The following CASP10 variants were observed in gnomAD, a reference collection of about 807,000 sequenced individuals.
The protein encoded by CASP10 is caspase-10.
CASP10 carries 41 observed loss-of-function variants against 48.5 expected under a neutral mutation model. That is an observed-to-expected ratio of 0.85 (90% CI 0.66 to 1.10). CASP10 has a LOEUF of 1.10. Among genes scored for constraint, CASP10 ranks in the 50% least tolerant of loss-of-function variants. The pLI is 0.00. For synonymous variants in CASP10, 232 were observed against 238.4 expected, an observed-to-expected ratio of 0.97 and a Z score of 0.25; for missense variants, 614 against 614.5, an observed-to-expected ratio of 1.00 and a Z score of 0.01.
intron 1 of CASP10, among the ~76,000 whole-genome samples, chr2:201,185,012 A>G (rs1347367258): frequency 6.6e-6 from 1 of 151,768 alleles, no homozygotes; most frequent in African/African-American, 2.4e-5. Context: ...TTCTTTTTGA[A>G]ACAGGGTCTC....
chr2:201,191,648 C>G (rs1944615236), intron 3 of CASP10, among the ~76,000 whole-genome samples: 1 of 152,202 alleles, frequency 6.6e-6, no homozygotes, highest in African/African-American at 2.4e-5. Flanking sequence ...GGCCTGAACA[C>G]CCCTCAGCCA....
In CASP10 at chr2:201,197,304, C is replaced by T. The variant is rs149913001; in HGVS notation, c.684+1356C>T. 7.6e-4 allele frequency among the ~76,000 whole-genome samples: 115 copies of T among 152,108 alleles called. 1 individual carries two copies. The East Asian group carries it at 0.016, about 21-fold the overall frequency. The stretch of plus-strand genomic sequence containing the variant: ...ATACCATATAATGAAACCAATTTTA[C>T]CATAGGCTCATTGATATAAACAAGA... On this transcript the variant is annotated intron_variant, in intron 5 of 9. Transcript: ENST00000286186.
Position 201,209,188 on chromosome 2 carries a change from CG to C in CASP10, c.1045del (p.Asp349ThrfsTer8). On this transcript the variant is annotated frameshift_variant, in exon 9 of 10. Coordinates refer to ENST00000286186, the MANE Select transcript of CASP10 (RefSeq NM_032977.4). LOFTEE classifies it high-confidence loss of function. ...AGAAGTGCAATCCAGCCCATGCCGA[CG>C]GGGACTGCTTCGTGTTCTGTATTCT... ...KQKCNPAHADGDCFVFCILTH... is the reference protein window; with the variant it reads ...KQKCNPAHADXDCFVFCILTH... 6.2e-7 allele frequency: 1 copy of C among 1,612,732 alleles called. No individual in the cohort carries two copies.
chr2:201,189,199 T>C (rs1350751875), intron 3 of CASP10, among the ~76,000 whole-genome samples: 1 of 152,048 alleles, frequency 6.6e-6, no homozygotes, highest in Non-Finnish European at 1.5e-5. Context: ...CATTTCGTTT[T>C]CCCTTCATCC....
chr2:201,229,126 G>T, exon 10 of CASP10: 4 of 1,612,582 alleles, frequency 2.5e-6, no homozygotes, highest in Non-Finnish European at 3.4e-6. Context: ...CAGCCACATC[G>T]CCTGAGATTG....
Position 201,208,309 on chromosome 2 carries a change from G to A in CASP10, c.922+126G>A. The A allele has an allele frequency of 4.2e-6, 6 of 1,431,924 alleles. No individual in the cohort carries two copies. In the South Asian group the frequency reaches 7.4e-5, roughly 18 times the overall value. 88.7% of individuals were successfully genotyped at this position (1,431,924 alleles called of 1,614,324 possible). ...TGTAAGGATGATATCATGTTTCTGA[G>A]CCTCTTATATATCCCTGGGGAGTCA... On this transcript the variant is annotated intron_variant, in intron 8 of 9. Transcript: ENST00000286186.
rs1041567394 is a variant in CASP10 at position 201,220,768 on chromosome 2, G to A, written c.*3027G>A. 1.7e-5 allele frequency: 17 copies of A among 985,178 alleles called. No homozygotes were observed. Among genetic ancestry groups the A allele is most frequent in the South Asian group, 4.7e-5 (1 of 21,272 alleles). 61.0% of individuals were successfully genotyped at this position (985,178 alleles called of 1,614,324 possible). On this transcript the variant is annotated 3_prime_UTR_variant, in exon 10 of 10. Transcript: ENST00000286186. ...TGTGTCAGGATGATCTCCCAAAACC[G>A]TGTTCATAACAGTCAGGGCCAAAAG...
chr2:201,197,177 A>G (rs768904072), intron 5 of CASP10, among the ~76,000 whole-genome samples: 8 of 151,198 alleles, frequency 5.3e-5, no homozygotes, highest in Admixed American at 4.6e-4. Context: ...AGGTTTTGCT[A>G]TGTTGCCCAG....
At chr2:201,191,797 G>A (rs908928469) in intron 3 of CASP10, among the ~76,000 whole-genome samples, 2 of 152,152 alleles carry the variant, frequency 1.3e-5, no homozygotes, top group African/African-American at 4.8e-5. Context: ...TATCCTGAGA[G>A]ATCTCACAAC....
At chr2:201,194,890 C>T (rs759021813) in intron 4 of CASP10, among the ~76,000 whole-genome samples, 4 of 147,950 alleles carry the variant, frequency 2.7e-5, no homozygotes, top group East Asian at 2.0e-4. Flanking sequence ...ACCATTCTTC[C>T]GCCTCAGCCT....
Position 201,195,947 on chromosome 2 carries a change from C to T in CASP10, c.683C>T (p.Pro228Leu), listed in dbSNP as rs143882052. The change falls in exon 5 of 10, where the codon CCG (proline) becomes CTG (leucine). Residue 228 changes from proline (P) to leucine (L), a missense_variant and splice_region_variant. By Grantham distance (98) the Pro-to-Leu change is moderately conservative. Coordinates refer to ENST00000286186, the MANE Select transcript of CASP10 (RefSeq NM_032977.4). ...GTTAAGACATTCTTGGAAGCCTTAC[C>T]GGTAGGTTCAGTGGTGTGCTGGTCA... ...TDVKTFLEALPQESWQNKHAG... is the reference protein window; with the variant it reads ...TDVKTFLEALLQESWQNKHAG... The T allele has an allele frequency of 5.8e-4, 928 of 1,606,636 alleles. No individual in the cohort carries two copies. Among genetic ancestry groups the T allele is most frequent in the Non-Finnish European group, 7.6e-4 (897 of 1,173,434 alleles).
intron 9 of CASP10, chr2:201,214,897 C>A (rs1945520127): frequency 6.6e-6 from 1 of 151,882 alleles, no homozygotes; most frequent in Non-Finnish European, 1.5e-5. Flanking sequence ...AGACTAATAC[C>A]CCCAGAAGTG....
downstream of CASP10, chr2:201,221,691 G>A (rs180756387): frequency 6.6e-6 from 1 of 152,324 alleles, no homozygotes; most frequent in East Asian, 1.9e-4. Flanking sequence ...TCTTCACAAG[G>A]ACGCGAGTGA....
downstream of CASP10, among the ~76,000 whole-genome samples, chr2:201,223,251 C>CT (rs1003129107): frequency 1.7e-4 from 26 of 152,184 alleles, no homozygotes; most frequent in African/African-American, 6.3e-4. Context: ...AGTGGTTAAT[C>CT]TGTTTGAAGC....
At chr2:201,203,931 G>T (rs1409287289) in intron 6 of CASP10, among the ~76,000 whole-genome samples, 165 bp downstream of exon 6, 1 of 152,168 alleles carries the variant, frequency 6.6e-6, no homozygotes, top group Non-Finnish European at 1.5e-5. Context: ...TGCATGGATT[G>T]TACTAGGCTT....
At position 201,209,456 on chromosome 2, in the gene CASP10, C is replaced by G; in HGVS notation, c.1309C>G (p.Leu437Val). The part of the protein sequence containing the change: ...QDSIPAEADF[L>V]LGLATVPGYV... ...CAGTATTCCTGCCGAGGCTGACTTCCTACTTGGTCTGGCCACTGTCCCAGG... is the reference window on the plus strand; with the variant it reads ...CAGTATTCCTGCCGAGGCTGACTTCGTACTTGGTCTGGCCACTGTCCCAGG... Residue 437 changes from leucine (L) to valine (V), a missense_variant, in exon 9 of 10, where the codon CTA becomes GTA. Physicochemically the swap from Leu to Val is conservative, Grantham distance 32 (BLOSUM62 1). Coordinates refer to ENST00000286186, the MANE Select transcript of CASP10 (RefSeq NM_032977.4). 6.2e-7 allele frequency: 1 copy of G among 1,614,052 alleles called. No homozygotes were observed. Among genetic ancestry groups the G allele is most frequent in the Non-Finnish European group, 8.5e-7 (1 of 1,179,906 alleles).
intron 5 of CASP10, among the ~76,000 whole-genome samples, chr2:201,199,540 G>A (rs1367285324): frequency 7.2e-6 from 1 of 138,650 alleles, no homozygotes; most frequent in Non-Finnish European, 1.6e-5. Context: ...ATTGTATTTA[G>A]TTGTCATGAT....
intron 5 of CASP10, among the ~76,000 whole-genome samples, chr2:201,197,876 A>C (rs927924291): frequency 6.6e-6 from 1 of 152,240 alleles, no homozygotes; most frequent in Admixed American, 6.5e-5. Context: ...TGTATCCATA[A>C]GTGGAAATGG....
rs1384535964 is a variant in CASP10, at chr2:201,209,086, G to GT, written c.941dup (p.Gln315ProfsTer12). 6.4e-7 allele frequency: 1 copy of GT among 1,566,850 alleles called. No individual in the cohort carries two copies. The highest frequency in any genetic ancestry group is 1.4e-5 in the African/African-American group (1 of 69,566). The stretch of plus-strand genomic sequence containing the variant: ...TTTAAACAGAGATCCTGAGTCATGT[G>GT]TTCCAGTGGCTTGGGTTCACAGTGC... On this transcript the variant is annotated frameshift_variant, in exon 9 of 10. Transcript: ENST00000286186. LOFTEE classifies it high-confidence loss of function.
Sources: allele counts gnomAD v4.1 joint callset (sites outside exome capture counted in the v4.1 genomes callset), GRCh38; gene constraint gnomAD v4.1.1; transcripts MANE v1.5; gene names NCBI Gene and HGNC (gene_info 2026-07-23, HGNC 2026-07-21).